MYRIP: variants seen among roughly 807,000 people sequenced by gnomAD.
MYRIP encodes myosin VIIA and Rab interacting protein.
MYRIP carries 49 observed loss-of-function variants against 98.0 expected under a neutral mutation model. That is an observed-to-expected ratio of 0.50 (90% CI 0.40 to 0.63). The LOEUF (loss-of-function observed/expected upper bound fraction) is 0.63, where lower values mean the gene tolerates loss of function less well. Among genes scored for constraint, MYRIP ranks in the 30% least tolerant of loss-of-function variants. The pLI is 0.00. For synonymous variants in MYRIP, 404 were observed against 409.5 expected, an observed-to-expected ratio of 0.99 and a Z score of 0.16; for missense variants, 1,004 against 1,058.2, an observed-to-expected ratio of 0.95 and a Z score of 0.71.
intron 1 of MYRIP, among the ~76,000 whole-genome samples, chr3:39,818,060 AAAT>A (rs1352110542): frequency 6.6e-6 from 1 of 152,182 alleles, no homozygotes; most frequent in African/African-American, 2.4e-5. Context: ...TTCATCCTTC[AAAT>A]AATCTGTTTA....
At chr3:40,120,820 A>G (rs1424703589) in intron 3 of MYRIP, among the ~76,000 whole-genome samples, 1 of 152,226 alleles carries the variant, frequency 6.6e-6, no homozygotes, top group Non-Finnish European at 1.5e-5. Flanking sequence ...TCTGACAAAT[A>G]AAGAAGCAAG....
chr3:39,869,709 A>G (rs1942727474), intron 1 of MYRIP, among the ~76,000 whole-genome samples: 1 of 152,158 alleles, frequency 6.6e-6, no homozygotes, highest in Admixed American at 6.5e-5. Context: ...TCATAGTTTT[A>G]CATGACATTA....
intron 2 of MYRIP, among the ~76,000 whole-genome samples, chr3:39,911,723 G>GTAA (rs772005178): frequency 7.9e-5 from 12 of 152,224 alleles, no homozygotes; most frequent in Non-Finnish European, 1.6e-4. Context: ...CGCAGAGGAG[G>GTAA]TAAGCACAAT....
intron 8 of MYRIP, 64 bp downstream of exon 8, chr3:40,170,157 C>G (rs1421961672): frequency 1.3e-6 from 2 of 1,565,174 alleles, no homozygotes; most frequent in Admixed American, 1.9e-5. Flanking sequence ...ACATTTAACC[C>G]TCTGTAGTTG....
intron 2 of MYRIP, among the ~76,000 whole-genome samples, chr3:39,960,749 T>G (rs1945302184): frequency 6.6e-6 from 1 of 152,184 alleles, no homozygotes; most frequent in African/African-American, 2.4e-5. Context: ...CATAACAGGT[T>G]GCTAATGAGG....
intron 12 of MYRIP, among the ~76,000 whole-genome samples, chr3:40,240,425 G>A (rs1450829363): frequency 6.6e-6 from 1 of 152,208 alleles, no homozygotes; most frequent in Non-Finnish European, 1.5e-5. Flanking sequence ...GCGCAGGTCA[G>A]TGGGTGCGCA....
intron 10 of MYRIP, among the ~76,000 whole-genome samples, chr3:40,199,895 G>A (rs761925743): frequency 4.6e-5 from 7 of 151,568 alleles, no homozygotes; most frequent in Non-Finnish European, 1.0e-4. Context: ...CCCATTCCTC[G>A]CCACTTACCT....
chr3:40,040,994 G>GA (rs1322717456), intron 2 of MYRIP, among the ~76,000 whole-genome samples: 16 of 8,252 alleles, frequency 1.9e-3, no homozygotes, highest in South Asian at 5.8e-3. Context: ...AAAAAAAAAA[G>GA]AAAAAAAAAA....
chr3:40,145,790 G>T (rs1388845720), intron 3 of MYRIP, among the ~76,000 whole-genome samples: 1 of 152,204 alleles, frequency 6.6e-6, no homozygotes, highest in African/African-American at 2.4e-5. Flanking sequence ...CCAAAGATTG[G>T]AGATCAGTTA....
intron 13 of MYRIP, among the ~76,000 whole-genome samples, chr3:40,248,708 T>A (rs1953279639): frequency 6.6e-6 from 1 of 152,218 alleles, no homozygotes; most frequent in South Asian, 2.1e-4. Flanking sequence ...CAGGGAAGAA[T>A]GTGAGCATCT....
intron 2 of MYRIP, among the ~76,000 whole-genome samples, chr3:39,913,520 A>G (rs1944076843): frequency 6.6e-6 from 1 of 152,200 alleles, no homozygotes; most frequent in African/African-American, 2.4e-5. Flanking sequence ...TTAAATTTCA[A>G]ACTTCTGCCT....
chr3:39,881,109 T>A (rs9827615), intron 1 of MYRIP, among the ~76,000 whole-genome samples: 16,925 of 152,186 alleles, frequency 0.11, 1,073 homozygotes, highest in Middle Eastern at 0.18. Flanking sequence ...ACTATTTTTT[T>A]AATTTAGCAT....
chr3:40,073,858 TG>T (rs1948283098), intron 3 of MYRIP, among the ~76,000 whole-genome samples: 2 of 152,244 alleles, frequency 1.3e-5, no homozygotes, highest in African/African-American at 4.8e-5. Flanking sequence ...CTACTGCTTA[TG>T]TCTAGCTATC....
At chr3:40,196,449 A>G (rs145656042) in intron 10 of MYRIP, among the ~76,000 whole-genome samples, 4 of 152,256 alleles carry the variant, frequency 2.6e-5, no homozygotes, top group Admixed American at 2.6e-4. Flanking sequence ...ATCATTTCCA[A>G]TGTAATTCGC....
chr3:40,151,270 A>G (rs578058341), intron 4 of MYRIP, 86 bp downstream of exon 4: 1 of 1,425,468 alleles, frequency 7.0e-7, no homozygotes. Flanking sequence ...ACTGGAGCAC[A>G]CTCACCTGGG....
At position 39,939,271 on chromosome 3, in the gene MYRIP, C is replaced by T. The variant is rs1158439512; in HGVS notation, c.110+38345C>T. Among the ~76,000 whole-genome samples, 3 of 152,108 alleles carry T rather than the reference C, an allele frequency of 2.0e-5. No individual in the cohort carries two copies. The East Asian group carries it at 5.8e-4, about 29-fold the overall frequency. On this transcript the variant is annotated intron_variant, in intron 2 of 16. Transcript: ENST00000302541. ...TCTAAGGAATTTTGACATGAAACAG[C>T]TCAAGAAAGAGCAGCCAGTTCAAAG...
intron 2 of MYRIP, among the ~76,000 whole-genome samples, chr3:39,972,227 G>A (rs1360693946): frequency 6.6e-6 from 1 of 151,984 alleles, no homozygotes; most frequent in Non-Finnish European, 1.5e-5. Flanking sequence ...TTCTCTTTCA[G>A]TGGGAATAAT....
At chr3:39,854,480 C>T (rs1942225225) in intron 1 of MYRIP, among the ~76,000 whole-genome samples, 1 of 152,030 alleles carries the variant, frequency 6.6e-6, no homozygotes, top group South Asian at 2.1e-4. Context: ...CTTTCATTTC[C>T]AGAAGTTGTG....
intron 2 of MYRIP, among the ~76,000 whole-genome samples, chr3:39,984,193 GTTTATTTTATTTTAT>G (rs71288070): frequency 1.9e-4 from 27 of 145,662 alleles, no homozygotes; most frequent in Middle Eastern, 3.4e-3. Flanking sequence ...TGTAAGGAAA[GTTTATTTTATTTTAT>G]TTTATTTTAT....
Sources: allele counts gnomAD v4.1 joint callset (sites outside exome capture counted in the v4.1 genomes callset), GRCh38; gene constraint gnomAD v4.1.1; transcripts MANE v1.5; gene names NCBI Gene and HGNC (gene_info 2026-07-23, HGNC 2026-07-21).